Variants in PHACTR2 observed in about 807,000 individuals in gnomAD.
PHACTR2 encodes the protein phosphatase and actin regulator 2.
In PHACTR2, 30 loss-of-function variants were observed where a neutral mutation model predicts 76.0. That is an observed-to-expected ratio of 0.39 (90% CI 0.30 to 0.54). The LOEUF (loss-of-function observed/expected upper bound fraction) is 0.54, where lower values mean the gene tolerates loss of function less well. PHACTR2 is among the 20% of genes least tolerant of loss of function. PHACTR2 has a pLI of 0.61. For missense variants in PHACTR2, 696 were observed against 781.1 expected, an observed-to-expected ratio of 0.89 and a Z score of 1.30; for synonymous variants, 292 against 292.5, an observed-to-expected ratio of 1.00 and a Z score of 0.02.
Position 143,617,503 on chromosome 6 carries a change from C to A in PHACTR2, c.13+9181C>A, listed in dbSNP as rs2128439130. ...CACCCTAGACAAATTCAGTCCGGGACTTTGGAGTGGGGTCAGGACATTGGT... is the reference window on the plus strand; with the variant it reads ...CACCCTAGACAAATTCAGTCCGGGAATTTGGAGTGGGGTCAGGACATTGGT... On this transcript the variant is annotated intron_variant, in intron 1 of 11. Coordinates refer to the PHACTR2 transcript ENST00000305766. The surrounding 1 kb of genome is among the most constrained non-coding windows in gnomAD (Gnocchi z 4.8). Among the ~76,000 whole-genome samples, 1 of 152,328 alleles carries A rather than the reference C, an allele frequency of 6.6e-6. No homozygotes were observed. The highest frequency in any genetic ancestry group is 6.5e-5 in the Admixed American group (1 of 15,308).
intron 1 of PHACTR2, among the ~76,000 whole-genome samples, chr6:143,649,138 C>T (rs1562258945): frequency 2.0e-5 from 3 of 152,044 alleles, no homozygotes; most frequent in African/African-American, 2.4e-5. Flanking sequence ...CAACCATCAA[C>T]CAAAGCCCAC....
At position 143,597,902 on chromosome 6, in the gene PHACTR2, C is replaced by T. The variant is rs1775771567; in HGVS notation, c.217+60695C>T. ...TGCTGGTGCCCTTCCTGATGCTCCT[C>T]CTACCACCTGCCATATTTTCTACCT... is the stretch of plus-strand genomic sequence containing the variant. On this transcript the variant is annotated intron_variant, in intron 1 of 11. Transcript: ENST00000367584. This position sits in a 1 kb window ranked among gnomAD's most constrained non-coding sequence, Gnocchi z 5.7. 1.3e-5 allele frequency among the ~76,000 whole-genome samples: 2 copies of T among 152,176 alleles called. No homozygotes were observed. Among genetic ancestry groups the T allele is most frequent in the Admixed American group, 1.3e-4 (2 of 15,286 alleles).
intron 2 of PHACTR2, among the ~76,000 whole-genome samples, chr6:143,746,751 T>C (rs1779076211): frequency 6.6e-6 from 1 of 151,970 alleles, no homozygotes; most frequent in South Asian, 2.1e-4. Context: ...TTGATAAGAG[T>C]TCTCTCCTTT....
rs547889621 is a variant in PHACTR2 at position 143,819,873 on chromosome 6, T to C, written c.1923-3801T>C. Among the ~76,000 whole-genome samples, 1 of 152,194 alleles carries C rather than the reference T, an allele frequency of 6.6e-6. No homozygotes were observed. Among genetic ancestry groups the C allele is most frequent in the East Asian group, 1.9e-4 (1 of 5,184 alleles). On this transcript the variant is annotated intron_variant, in intron 12 of 12. Transcript: ENST00000440869. This position sits in a 1 kb window ranked among gnomAD's most constrained non-coding sequence, Gnocchi z 5.0. ...ACTGCTATAAAGAAATACCTGAGAC[T>C]AGGTAATTTATAAGAAAACAGGTTT...
Position 143,652,038 on chromosome 6 carries a change from C to T in PHACTR2, c.13+43716C>T, listed in dbSNP as rs571124633. Among the ~76,000 whole-genome samples the T allele has an allele frequency of 1.4e-5, 2 of 146,678 alleles. No homozygotes were observed. The highest frequency in any genetic ancestry group is 5.1e-5 in the African/African-American group (2 of 39,410). On this transcript the variant is annotated intron_variant, in intron 1 of 11. Transcript: ENST00000305766. This position sits in a 1 kb window ranked among gnomAD's most constrained non-coding sequence, Gnocchi z 4.5. Reference sequence around the variant, plus strand: ...TCATCTTGGATTTCTAGCCTCCAGCCTGAGAAATTAAAGTTCTGTTGTTTA... The same window carrying T: ...TCATCTTGGATTTCTAGCCTCCAGCTTGAGAAATTAAAGTTCTGTTGTTTA...
At chr6:143,657,635 G>C (rs1232258764) in intron 1 of PHACTR2, among the ~76,000 whole-genome samples, 1 of 152,206 alleles carries the variant, frequency 6.6e-6, no homozygotes, top group Non-Finnish European at 1.5e-5. Context: ...CACGTCTTTT[G>C]AAAGGCAGGG....
Position 143,678,015 on chromosome 6 carries a change from A to G in PHACTR2, c.-149A>G. ...CGGCTGCGGCCGGCCGGGCTGGGAG[A>G]CCCGCGCGGGGTAGAAGGTGAGGGG... On this transcript the variant is annotated 5_prime_UTR_variant, in exon 1 of 13. Coordinates refer to ENST00000440869, the MANE Select transcript of PHACTR2 (RefSeq NM_001100164.2). This position sits in a 1 kb window ranked among gnomAD's most constrained non-coding sequence, Gnocchi z 6.2. 2 of 1,469,446 alleles carry G rather than the reference A, an allele frequency of 1.4e-6. No homozygotes were observed. The highest frequency in any genetic ancestry group is 2.9e-5 in the East Asian group (1 of 34,838). 91.0% of individuals were successfully genotyped at this position (1,469,446 alleles called of 1,614,324 possible).
intron 1 of PHACTR2, among the ~76,000 whole-genome samples, chr6:143,540,770 T>C (rs1416322818): frequency 6.6e-6 from 1 of 152,096 alleles, no homozygotes; most frequent in African/African-American, 2.4e-5. Context: ...AAACAAAATA[T>C]TTTCAAATAA....
chr6:143,674,332 A>T (rs1777205512), upstream of PHACTR2, among the ~76,000 whole-genome samples: 1 of 152,164 alleles, frequency 6.6e-6, no homozygotes, highest in Non-Finnish European at 1.5e-5. This position sits in a 1 kb window ranked among gnomAD's most constrained non-coding sequence, Gnocchi z 4.9. Flanking sequence ...AAAACTACCC[A>T]AATAGTTAAA....
chr6:143,783,649 A>G lies in PHACTR2; in HGVS notation c.1707+369A>G, dbSNP rs1261714453. On this transcript the variant is annotated intron_variant, in intron 10 of 12. Transcript: ENST00000440869. This position sits in a 1 kb window ranked among gnomAD's most constrained non-coding sequence, Gnocchi z 5.2. ...AATGAAATAAAATAAAATAAAACAA[A>G]TCAATATAATGCACATGCTATGAGT... Among the ~76,000 whole-genome samples the G allele has an allele frequency of 6.6e-6, 1 of 152,108 alleles. No homozygotes were observed. The highest frequency in any genetic ancestry group is 1.5e-5 in the Non-Finnish European group (1 of 68,018).
In PHACTR2 at chr6:143,592,713, A is replaced by G. The variant is rs1160777082; in HGVS notation, c.217+55506A>G. On this transcript the variant is annotated intron_variant, in intron 1 of 11. Coordinates refer to the PHACTR2 transcript ENST00000367584. The surrounding 1 kb of genome is among the most constrained non-coding windows in gnomAD (Gnocchi z 4.0). ...TTGGGTTCCATCCCCAGTTCATTCC[A>G]TATTCATTGTCTACATTACACAAAT... is the stretch of plus-strand genomic sequence containing the variant. 6.6e-6 allele frequency among the ~76,000 whole-genome samples: 1 copy of G among 152,054 alleles called. No homozygotes were observed. Among genetic ancestry groups the G allele is most frequent in the Non-Finnish European group, 1.5e-5 (1 of 68,002 alleles).
chr6:143,811,604 A>G lies in PHACTR2; in HGVS notation c.1922+4471A>G, dbSNP rs1446349656. On this transcript the variant is annotated intron_variant, in intron 12 of 12. Transcript: ENST00000440869. This position sits in a 1 kb window ranked among gnomAD's most constrained non-coding sequence, Gnocchi z 4.1. ...CTTTCCAGATAAGGAAAAATTAAAT[A>G]TTCATATCACCAAAATAAATATGCC... 3.3e-5 allele frequency among the ~76,000 whole-genome samples: 5 copies of G among 152,248 alleles called. No individual in the cohort carries two copies. Among genetic ancestry groups the G allele is most frequent in the African/African-American group, 1.2e-4 (5 of 41,466 alleles).
intron 1 of PHACTR2, among the ~76,000 whole-genome samples, chr6:143,567,323 T>A (rs922154285): frequency 1.3e-5 from 2 of 152,182 alleles, no homozygotes; most frequent in East Asian, 3.8e-4. Flanking sequence ...AAGAGACACT[T>A]TCTCCTATAG....
In PHACTR2 at chr6:143,787,424, G is replaced by T. The variant is rs1355926595; in HGVS notation, c.1708-1349G>T. Among the ~76,000 whole-genome samples the T allele has an allele frequency of 1.3e-5, 2 of 152,202 alleles. No homozygotes were observed. Among genetic ancestry groups the T allele is most frequent in the African/African-American group, 2.4e-5 (1 of 41,452 alleles). ...TAGATTATTCTTTCTCTTGTCCATT[G>T]CCTACCGGGGCTCTATGAAGATAGA... On this transcript the variant is annotated intron_variant, in intron 10 of 12. Coordinates refer to ENST00000440869, the MANE Select transcript of PHACTR2 (RefSeq NM_001100164.2). This position sits in a 1 kb window ranked among gnomAD's most constrained non-coding sequence, Gnocchi z 4.6.
At chr6:143,635,470 A>T (rs980319750) in intron 1 of PHACTR2, among the ~76,000 whole-genome samples, 3 of 152,198 alleles carry the variant, frequency 2.0e-5, no homozygotes, top group Non-Finnish European at 4.4e-5. Context: ...TAGCTTTAAA[A>T]TCTTGATAGA....
At chr6:143,707,937 C>T (rs923204398) in intron 1 of PHACTR2, among the ~76,000 whole-genome samples, 1 of 152,100 alleles carries the variant, frequency 6.6e-6, no homozygotes, top group Non-Finnish European at 1.5e-5. Context: ...AGGTGCTACA[C>T]ACTTTTAAAC....
In PHACTR2 at chr6:143,570,310, C is replaced by T. The variant is rs1775432645; in HGVS notation, c.217+33103C>T. 6.6e-6 allele frequency among the ~76,000 whole-genome samples: 1 copy of T among 152,176 alleles called. No individual in the cohort carries two copies. Among genetic ancestry groups the T allele is most frequent in the Admixed American group, 6.5e-5 (1 of 15,286 alleles). On this transcript the variant is annotated intron_variant, in intron 1 of 11. Transcript: ENST00000367584. The surrounding 1 kb of genome is among the most constrained non-coding windows in gnomAD (Gnocchi z 4.6). ...GTGAAGCCCCATTTGTTTTTCCATT[C>T]AGCCACCCGCTGGCCCTAATCACAA... is the stretch of plus-strand genomic sequence containing the variant.
intron 1 of PHACTR2, among the ~76,000 whole-genome samples, chr6:143,642,822 C>T (rs1776592341): frequency 6.6e-6 from 1 of 152,226 alleles, no homozygotes; most frequent in African/African-American, 2.4e-5. Flanking sequence ...GATTCTCCCT[C>T]ACAGCCCATT....
At chr6:143,718,537 T>C (rs1330140925) in intron 2 of PHACTR2, among the ~76,000 whole-genome samples, 5 of 152,220 alleles carry the variant, frequency 3.3e-5, no homozygotes, top group Non-Finnish European at 7.3e-5. Flanking sequence ...CTCTAATATA[T>C]GGTTTTGCCT....
Sources: gnomAD v4.1 joint callset for allele counts (sites outside exome capture counted in the v4.1 genomes callset) on GRCh38, gnomAD v4.1.1 for gene constraint, Gnocchi (gnomAD v3.1) non-coding constraint, MANE v1.5 for transcripts, NCBI Gene and HGNC (gene_info 2026-07-23, HGNC 2026-07-21) for gene names.